GALNT13: variants seen among roughly 807,000 people sequenced by gnomAD.
GALNT13 encodes the protein polypeptide N-acetylgalactosaminyltransferase 13.
A neutral mutation model predicts 64.2 loss-of-function variants in GALNT13; 28 were observed. The ratio of observed to expected loss-of-function variants is 0.44; its 90% CI spans 0.32 to 0.60. The LOEUF (loss-of-function observed/expected upper bound fraction) is 0.60. GALNT13 is among the 20% of genes least tolerant of loss of function. The pLI, the probability that GALNT13 is intolerant of heterozygous loss-of-function variation, is 0.05. For synonymous variants in GALNT13, 214 were observed against 224.6 expected (o/e 0.95, Z 0.42); for missense variants, 577 against 669.8 (o/e 0.86, Z 1.53).
chr2:153,305,785 T>G, the GALNT13 span, among the ~76,000 whole-genome samples: 1 of 152,216 alleles, frequency 6.6e-6, no homozygotes, highest in African/African-American at 2.4e-5. Flanking sequence ...AGTTCATTAC[T>G]TCCCCCATGA....
chr2:153,829,456 T>C, the GALNT13 span, among the ~76,000 whole-genome samples: 1 of 152,188 alleles, frequency 6.6e-6, no homozygotes, highest in East Asian at 1.9e-4. Context: ...AGGGAAACTT[T>C]CATTTTTAAA....
the GALNT13 span, among the ~76,000 whole-genome samples, chr2:153,619,258 A>C: frequency 6.6e-6 from 1 of 152,074 alleles, no homozygotes; most frequent in Admixed American, 6.6e-5. Context: ...TTTCAACCAG[A>C]TAATGACCTA....
intron 9 of GALNT13, among the ~76,000 whole-genome samples, chr2:154,340,691 T>C (rs1695712650): frequency 1.3e-5 from 2 of 152,098 alleles, no homozygotes; most frequent in African/African-American, 2.4e-5. Flanking sequence ...ACAAAGTCCA[T>C]GGGACAAAAA....
chr2:153,591,421 T>C, the GALNT13 span, among the ~76,000 whole-genome samples: 1 of 151,956 alleles, frequency 6.6e-6, no homozygotes, highest in Non-Finnish European at 1.5e-5. Context: ...CAAAATACCA[T>C]AATTTCCCTC....
At chr2:154,247,090 G>A (rs916463772) in intron 7 of GALNT13, among the ~76,000 whole-genome samples, 2 of 152,058 alleles carry the variant, frequency 1.3e-5, no homozygotes, top group African/African-American at 4.8e-5. Context: ...AATGGCTAAA[G>A]GTATTTGTTA....
At chr2:154,170,924 G>A (rs889335408) in intron 4 of GALNT13, among the ~76,000 whole-genome samples, 24 of 152,184 alleles carry the variant, frequency 1.6e-4, no homozygotes, top group African/African-American at 5.5e-4. Context: ...GTTTGCTGGA[G>A]AAGCTTTCAA....
At chr2:153,390,832 T>C in the GALNT13 span, among the ~76,000 whole-genome samples, 1 of 152,028 alleles carries the variant, frequency 6.6e-6, no homozygotes, top group Non-Finnish European at 1.5e-5. Flanking sequence ...CTGCCCTCAT[T>C]GGTCCTACAT....
chr2:154,062,883 G>GT (rs1315561646), intron 3 of GALNT13, among the ~76,000 whole-genome samples: 1 of 149,536 alleles, frequency 6.7e-6, no homozygotes, highest in Non-Finnish European at 1.5e-5. Flanking sequence ...CTTTATGTTT[G>GT]TTTTAGGAGA....
chr2:153,647,681 T>G, the GALNT13 span, among the ~76,000 whole-genome samples: 6 of 152,320 alleles, frequency 3.9e-5, no homozygotes, highest in African/African-American at 1.4e-4. Context: ...GCTTTCTACA[T>G]ATGGCTAGCC....
At chr2:153,813,512 A>G in the GALNT13 span, among the ~76,000 whole-genome samples, 1 of 141,546 alleles carries the variant, frequency 7.1e-6, no homozygotes, top group Non-Finnish European at 1.6e-5. Flanking sequence ...GGTGGGAGGA[A>G]GACATACCTT....
At chr2:154,028,254 T>G (rs1340773374) in intron 3 of GALNT13, among the ~76,000 whole-genome samples, 1 of 152,188 alleles carries the variant, frequency 6.6e-6, no homozygotes, top group Non-Finnish European at 1.5e-5. Context: ...CATTAAGGCT[T>G]ATTATTTTGC....
the GALNT13 span, among the ~76,000 whole-genome samples, chr2:153,658,845 T>C: frequency 1.3e-5 from 2 of 151,952 alleles, no homozygotes; most frequent in African/African-American, 4.8e-5. Flanking sequence ...TATTCAATGT[T>C]CAATATTTGC....
intron 2 of GALNT13, among the ~76,000 whole-genome samples, chr2:153,907,730 G>T (rs778428582): frequency 2.1e-4 from 32 of 151,898 alleles, no homozygotes; most frequent in Non-Finnish European, 3.5e-4. Context: ...CAAAGGATAT[G>T]ATCTAATTTT....
intron 11 of GALNT13, chr2:154,437,460 T>C: frequency 1.0e-6 from 1 of 988,990 alleles, no homozygotes; most frequent in Non-Finnish European, 1.3e-6. Flanking sequence ...TTTCTCATTA[T>C]GTATTCTGTT....
At chr2:153,236,699 A>G in the GALNT13 span, among the ~76,000 whole-genome samples, 1 of 152,120 alleles carries the variant, frequency 6.6e-6, no homozygotes, top group Non-Finnish European at 1.5e-5. Flanking sequence ...TTGATCATTG[A>G]CAATGTTCCT....
At chr2:154,012,641 C>T (rs558049275) in intron 3 of GALNT13, among the ~76,000 whole-genome samples, 2 of 152,224 alleles carry the variant, frequency 1.3e-5, no homozygotes, top group East Asian at 3.9e-4. Flanking sequence ...TTTTTGTGGA[C>T]TGTATCCTCA....
the GALNT13 span, among the ~76,000 whole-genome samples, chr2:153,659,659 TATTC>T: frequency 6.6e-6 from 1 of 152,130 alleles, no homozygotes; most frequent in Non-Finnish European, 1.5e-5. Flanking sequence ...GATTCAAACT[TATTC>T]ATTCAAATTA....
chr2:153,816,087 T>C, the GALNT13 span, among the ~76,000 whole-genome samples: 1 of 152,036 alleles, frequency 6.6e-6, no homozygotes, highest in South Asian at 2.1e-4. Context: ...TGGAAGAAAA[T>C]AAATATGTAA....
At chr2:154,065,558 CA>C (rs1362690848) in intron 3 of GALNT13, among the ~76,000 whole-genome samples, 1 of 152,140 alleles carries the variant, frequency 6.6e-6, no homozygotes, top group Non-Finnish European at 1.5e-5. Context: ...TGGAAGAGAA[CA>C]AGCATCTCTG....
Sources: allele counts gnomAD v4.1 joint callset (sites outside exome capture counted in the v4.1 genomes callset), GRCh38; gene constraint gnomAD v4.1.1; transcripts MANE v1.5; gene names NCBI Gene and HGNC (gene_info 2026-07-23, HGNC 2026-07-21).